The following HBS1L variants were observed in gnomAD, a reference collection of about 807,000 sequenced individuals.
HBS1L encodes the protein HBS1 like translational GTPase.
HBS1L carries 55 observed loss-of-function variants against 88.9 expected under a neutral mutation model. The ratio of observed to expected loss-of-function variants is 0.62; its 90% confidence interval spans 0.50 to 0.77. HBS1L has a LOEUF of 0.77. HBS1L is among the 30% of genes least tolerant of loss of function. The probability of loss-of-function intolerance (pLI) is 0.00; values close to 1 mark genes in which losing one functional copy is unlikely to be tolerated. For missense variants in HBS1L, 741 were observed against 829.3 expected (o/e 0.89, Z 1.31); for synonymous variants, 267 against 288.5 (o/e 0.93, Z 0.76).
chr6:134,991,585 A>C (rs9399132), intron 8 of HBS1L, among the ~76,000 whole-genome samples: 3 of 152,186 alleles, frequency 2.0e-5, no homozygotes, highest in Non-Finnish European at 2.9e-5. Flanking sequence ...TATCTGGTCC[A>C]CATTAGGTAC....
intron 11 of HBS1L, 143 bp downstream of exon 11, chr6:134,985,923 A>T: frequency 1.7e-6 from 1 of 594,168 alleles, no homozygotes. Flanking sequence ...AGTATTGCAC[A>T]TGATGACAAA....
intron 1 of HBS1L, among the ~76,000 whole-genome samples, chr6:135,054,008 C>A (rs1324822078): frequency 1.3e-5 from 2 of 152,212 alleles, no homozygotes; most frequent in African/African-American, 2.4e-5. Context: ...TTATATCAAG[C>A]ATTACCAGCC....
intron 7 of HBS1L, among the ~76,000 whole-genome samples, chr6:134,995,841 G>A (rs1775273811): frequency 6.6e-6 from 1 of 152,034 alleles, no homozygotes; most frequent in Admixed American, 6.6e-5. Context: ...CACAAAGAAA[G>A]AGAAACCATT....
At chr6:135,046,024 A>G (rs1449849259) in intron 2 of HBS1L, among the ~76,000 whole-genome samples, 1 of 152,214 alleles carries the variant, frequency 6.6e-6, no homozygotes, top group East Asian at 1.9e-4. Context: ...CTAAAAACAC[A>G]AAATTAGAAA....
chr6:134,969,023 C>T (rs1250587812), intron 16 of HBS1L, among the ~76,000 whole-genome samples: 3 of 152,072 alleles, frequency 2.0e-5, no homozygotes, highest in Admixed American at 6.5e-5. Flanking sequence ...CACCACCACA[C>T]ATAACAGAAA....
At chr6:135,014,402 A>T (rs1364327419) in intron 4 of HBS1L, among the ~76,000 whole-genome samples, 3 of 152,220 alleles carry the variant, frequency 2.0e-5, no homozygotes, top group Non-Finnish European at 4.4e-5. Context: ...TGAGGACACA[A>T]AGGTGAGTGA....
chr6:134,961,090 C>CTTTTTTTTTTT lies in HBS1L; in HGVS notation c.*4178_*4188dup, dbSNP rs58274929. 3.8e-4 allele frequency: 40 copies of CTTTTTTTTTTT among 106,224 alleles called. 2 individuals carry two copies. The highest frequency in any genetic ancestry group is 8.2e-4 in the East Asian group (3 of 3,646). The allele number at this position is 106,224 out of a possible 1,614,324, so 6.6% of individuals were successfully genotyped here. ...TTGCTGTACAGACTTAGTTTCTTTG[C>CTTTTTTTTTTT]TTTTTTTTTTTTTTTTTTTGCATTG... On this transcript the variant is annotated 3_prime_UTR_variant, in exon 18 of 18. Coordinates refer to ENST00000367837, the MANE Select transcript of HBS1L (RefSeq NM_006620.4).
intron 13 of HBS1L, among the ~76,000 whole-genome samples, chr6:134,981,609 T>C (rs1774833327): frequency 6.6e-6 from 1 of 151,766 alleles, no homozygotes; most frequent in South Asian, 2.1e-4. Flanking sequence ...GAGGGAAAAA[T>C]ACTAAAATCT....
chr6:134,985,566 C>A (rs1774956356), intron 11 of HBS1L, among the ~76,000 whole-genome samples, 157 bp from the exon 12 acceptor site: 1 of 152,050 alleles, frequency 6.6e-6, no homozygotes, highest in Non-Finnish European at 1.5e-5. Context: ...CATTGAGCAT[C>A]CCAAATCCAA....
At chr6:134,980,362 T>G (rs1394670410) in intron 13 of HBS1L, among the ~76,000 whole-genome samples, 1 of 152,004 alleles carries the variant, frequency 6.6e-6, no homozygotes, top group African/African-American at 2.4e-5. Context: ...ATAACTTTCT[T>G]CAGGTATCAG....
At chr6:135,019,875 A>G (rs926135255) in intron 4 of HBS1L, among the ~76,000 whole-genome samples, 18 of 152,062 alleles carry the variant, frequency 1.2e-4, no homozygotes, top group African/African-American at 4.3e-4. Flanking sequence ...AGCAATTAAT[A>G]AAGGAAAAGG....
In HBS1L at chr6:134,969,242, G is replaced by C. The variant is rs764157612; in HGVS notation, c.1894C>G (p.Pro632Ala). The C allele has an allele frequency of 1.9e-6, 3 of 1,602,718 alleles. No homozygotes were observed. The Admixed American group carries it at 5.0e-5, about 27-fold the overall frequency. The change falls in exon 16 of 18, where the codon CCT (proline) becomes GCT (alanine). Residue 632 changes from proline to alanine, a missense_variant. Physicochemically the swap from Pro to Ala is conservative, Grantham distance 27. Coordinates refer to ENST00000367837, the MANE Select transcript of HBS1L (RefSeq NM_006620.4). ...KSTGEVTKKK[P>A]KFLTKGQNAL... ...TTTCTGTATTAAAACACTCACTTAGGCTTTTTCTTTGTGACTTCACCCGTG... is the reference window on the plus strand; with the variant it reads ...TTTCTGTATTAAAACACTCACTTAGCCTTTTTCTTTGTGACTTCACCCGTG...
chr6:135,046,289 G>C (rs148112698), intron 2 of HBS1L, among the ~76,000 whole-genome samples: 4 of 151,304 alleles, frequency 2.6e-5, no homozygotes, highest in African/African-American at 9.7e-5. Context: ...CAAGTTATTT[G>C]AACAAGACTT....
intron 5 of HBS1L, among the ~76,000 whole-genome samples, chr6:134,998,627 T>C (rs956204169): frequency 6.6e-6 from 1 of 152,218 alleles, no homozygotes; most frequent in African/African-American, 2.4e-5. Context: ...CATTTAAGAT[T>C]GTAGCATGAT....
chr6:135,039,906 T>C (rs1408452907), intron 3 of HBS1L, 139 bp from the exon 4 acceptor site: 1 of 652,230 alleles, frequency 1.5e-6, no homozygotes. Flanking sequence ...TTATCTCTAA[T>C]GATCGTATTT....
chr6:134,995,222 G>A (rs549101666), intron 7 of HBS1L, among the ~76,000 whole-genome samples: 4 of 152,068 alleles, frequency 2.6e-5, no homozygotes, highest in Non-Finnish European at 4.4e-5. Context: ...GATATGAAAT[G>A]TCACTCAATT....
intron 4 of HBS1L, among the ~76,000 whole-genome samples, chr6:135,035,524 A>G (rs993900438): frequency 1.3e-5 from 2 of 151,864 alleles, no homozygotes; most frequent in African/African-American, 2.4e-5. Context: ...GCGGATCATG[A>G]GGTCAGGAGA....
At chr6:135,023,497 A>C (rs909744747) in intron 4 of HBS1L, among the ~76,000 whole-genome samples, 7 of 152,166 alleles carry the variant, frequency 4.6e-5, no homozygotes, top group Non-Finnish European at 1.0e-4. Flanking sequence ...CCTGAGATAT[A>C]AATAATATTA....
intron 4 of HBS1L, among the ~76,000 whole-genome samples, chr6:135,003,445 T>C (rs1461538013): frequency 1.3e-5 from 2 of 151,910 alleles, no homozygotes; most frequent in Admixed American, 6.6e-5. Flanking sequence ...CATGTGCCTA[T>C]AGTCCCAGCT....
Sources: gnomAD v4.1 joint callset for allele counts (sites outside exome capture counted in the v4.1 genomes callset) on GRCh38, gnomAD v4.1.1 for gene constraint, MANE v1.5 for transcripts, NCBI Gene and HGNC (gene_info 2026-07-23, HGNC 2026-07-21) for gene names.